Variants in DNAL1 observed in about 807,000 individuals in gnomAD.
The protein encoded by DNAL1 is chromosome 14 open reading frame 168.
A neutral mutation model predicts 29.4 loss-of-function variants in DNAL1; 17 were observed. The observed-to-expected ratio is 0.58, with a 90% confidence interval of 0.40 to 0.87. The LOEUF (loss-of-function observed/expected upper bound fraction) is 0.87, where lower values mean the gene tolerates loss of function less well. Among genes scored for constraint, DNAL1 ranks in the 40% least tolerant of loss-of-function variants. DNAL1 has a pLI of 0.00. For missense variants in DNAL1, 188 were observed against 214.1 expected (o/e 0.88, Z 0.76); for synonymous variants, 78 against 76.3 (o/e 1.02, Z -0.12).
In DNAL1 at chr14:73,696,052, G is replaced by A; in HGVS notation, c.*110G>A. ...TCTGTATGGGACAAAAGTTTCTTAAGATAAAACAGATCACTCATTCTCATC... is the reference window on the plus strand; with the variant it reads ...TCTGTATGGGACAAAAGTTTCTTAAAATAAAACAGATCACTCATTCTCATC... On this transcript the variant is annotated 3_prime_UTR_variant, in exon 8 of 8. Transcript: ENST00000553645. 1.0e-6 allele frequency: 1 copy of A among 983,540 alleles called. No homozygotes were observed. The allele number at this position is 983,540 out of a possible 1,614,324, so 60.9% of individuals were successfully genotyped here. A position where few individuals can be genotyped will look rare whatever the true frequency, so the allele number is the denominator to read the frequency against.
At chr14:73,656,256 G>A (rs1373182672) in intron 2 of DNAL1, among the ~76,000 whole-genome samples, 2 of 151,734 alleles carry the variant, frequency 1.3e-5, no homozygotes, top group Non-Finnish European at 2.9e-5. Context: ...TTTCTGTTTT[G>A]TTAAATATTT....
chr14:73,663,911 A>G (rs552068664), intron 4 of DNAL1, among the ~76,000 whole-genome samples: 25 of 152,072 alleles, frequency 1.6e-4, no homozygotes, highest in African/African-American at 4.3e-4. Context: ...TGTCTGCACA[A>G]CTCCCCCTTA....
chr14:73,692,798 T>G (rs1892205853), intron 7 of DNAL1, among the ~76,000 whole-genome samples: 1 of 151,946 alleles, frequency 6.6e-6, no homozygotes, highest in Admixed American at 6.6e-5. Context: ...AACTTGCCCA[T>G]TTTTGTTTCT....
Position 73,686,505 on chromosome 14 carries a change from A to G in DNAL1, c.265-754A>G, listed in dbSNP as rs987218134. ...GATCCCTTGAGTCCAGGAGTTCAAG[A>G]CCAGCCTGGACAACATCTCTACAAA... On this transcript the variant is annotated intron_variant, in intron 5 of 7. Coordinates refer to ENST00000553645, the MANE Select transcript of DNAL1 (RefSeq NM_031427.4). Among the ~76,000 whole-genome samples, 4 of 152,266 alleles carry G rather than the reference A, an allele frequency of 2.6e-5. No individual in the cohort carries two copies. The East Asian group carries it at 7.7e-4, about 29-fold the overall frequency.
chr14:73,681,619 A>ATAT (rs1432754188), intron 5 of DNAL1, among the ~76,000 whole-genome samples: 39 of 42,072 alleles, frequency 9.3e-4, no homozygotes, highest in African/African-American at 2.4e-3. Flanking sequence ...AAAAAAAAAA[A>ATAT]AAAAAAAAAA....
intron 4 of DNAL1, among the ~76,000 whole-genome samples, chr14:73,668,097 A>C (rs544195652): frequency 6.6e-6 from 1 of 152,266 alleles, no homozygotes; most frequent in Admixed American, 6.5e-5. Context: ...GAACTCCCTT[A>C]CTAACTTCCT....
intron 1 of DNAL1, among the ~76,000 whole-genome samples, chr14:73,645,249 A>T (rs1006027737): frequency 6.6e-6 from 1 of 151,880 alleles, no homozygotes; most frequent in Non-Finnish European, 1.5e-5. Context: ...GGTGGATCGG[A>T]GGTTGGGTTA....
chr14:73,681,179 G>A (rs1434485045), intron 5 of DNAL1, among the ~76,000 whole-genome samples: 1 of 151,476 alleles, frequency 6.6e-6, no homozygotes, highest in Non-Finnish European at 1.5e-5. Flanking sequence ...TGTCACTGAG[G>A]CTGGAGTGCA....
chr14:73,683,997 G>A (rs764104275), intron 5 of DNAL1, among the ~76,000 whole-genome samples: 2 of 152,052 alleles, frequency 1.3e-5, no homozygotes, highest in African/African-American at 2.4e-5. Context: ...GTGAGCCACC[G>A]CACCTGGCCG....
At chr14:73,667,701 C>T (rs1340773121) in intron 4 of DNAL1, among the ~76,000 whole-genome samples, 3 of 152,162 alleles carry the variant, frequency 2.0e-5, no homozygotes, top group East Asian at 1.9e-4. Context: ...GGGGTCTCCC[C>T]ATGTTGCCCA....
chr14:73,665,756 A>ACT (rs1421022290), intron 4 of DNAL1, among the ~76,000 whole-genome samples: 3 of 151,232 alleles, frequency 2.0e-5, no homozygotes, highest in Non-Finnish European at 4.4e-5. Context: ...ACGCTACTGT[A>ACT]CTCCAGCCTG....
intron 5 of DNAL1, among the ~76,000 whole-genome samples, chr14:73,687,007 G>T (rs1276680572): frequency 1.4e-5 from 2 of 141,660 alleles, no homozygotes; most frequent in Admixed American, 7.2e-5. Flanking sequence ...ATTATGTTTT[G>T]TGATTTTTTT....
chr14:73,661,233 G>A (rs1056233288), intron 3 of DNAL1, among the ~76,000 whole-genome samples: 15 of 151,988 alleles, frequency 9.9e-5, no homozygotes, highest in Non-Finnish European at 1.5e-4. Context: ...TTCCCAAGTC[G>A]GTATCTGTAG....
At position 73,658,883 on chromosome 14, in the gene DNAL1, G is replaced by A. The variant is rs550967876; in HGVS notation, c.79G>A (p.Glu27Lys). 6.2e-7 allele frequency: 1 copy of A among 1,602,780 alleles called. No individual in the cohort carries two copies. The highest frequency in any genetic ancestry group is 1.1e-5 in the South Asian group (1 of 88,836). Reference sequence around the variant, plus strand: ...TGGCCAGAGGCCATCTGAAGCCAAAGAGATAAAACTTTATGCCCAGATTCC... The same window carrying A: ...TGGCCAGAGGCCATCTGAAGCCAAAAAGATAAAACTTTATGCCCAGATTCC... ...KTGQRPSEAK[E>K]IKLYAQIPPI... The change falls in exon 3 of 8, where the codon GAG becomes AAG. Residue 27 changes from glutamate to lysine, a missense_variant. Glu to Lys is a moderately conservative substitution (Grantham distance 56). Coordinates refer to ENST00000553645, the MANE Select transcript of DNAL1 (RefSeq NM_031427.4).
At position 73,680,272 on chromosome 14, in the gene DNAL1, G is replaced by A. The variant is rs552928646; in HGVS notation, c.265-6987G>A. 8.0e-4 allele frequency among the ~76,000 whole-genome samples: 122 copies of A among 152,170 alleles called. 1 individual carries two copies. Among genetic ancestry groups the A allele is most frequent in the African/African-American group, 2.8e-3 (118 of 41,518 alleles). ...TATATTTAGCTAGGCCACGGCTGAC[G>A]GACACTTAGGTTGTTGCAATCTTTT... On this transcript the variant is annotated intron_variant, in intron 5 of 7. Transcript: ENST00000553645.
In DNAL1 at chr14:73,700,898, T is replaced by G. The variant is rs567277988; in HGVS notation, c.*4956T>G. ...ATATTTCTTTATCTGTGCTCTAACATGTGTCATATTGTTTTCTTTTTGTAA... is the reference window on the plus strand; with the variant it reads ...ATATTTCTTTATCTGTGCTCTAACAGGTGTCATATTGTTTTCTTTTTGTAA... On this transcript the variant is annotated 3_prime_UTR_variant, in exon 8 of 8. Transcript: ENST00000553645. The G allele has an allele frequency of 1.1e-4, 16 of 152,014 alleles. No individual in the cohort carries two copies. Among genetic ancestry groups the G allele is most frequent in the African/African-American group, 3.6e-4 (15 of 41,552 alleles). 9.4% of individuals were successfully genotyped at this position (152,014 alleles called of 1,614,324 possible).
chr14:73,695,531 G>C (rs1892282028), intron 7 of DNAL1, among the ~76,000 whole-genome samples: 1 of 151,652 alleles, frequency 6.6e-6, no homozygotes, highest in African/African-American at 2.4e-5. Context: ...GAGCTTCTCA[G>C]GTTTTTCTTT....
At chr14:73,653,552 C>A (rs982115681) in intron 1 of DNAL1, among the ~76,000 whole-genome samples, 8 of 151,930 alleles carry the variant, frequency 5.3e-5, no homozygotes, top group African/African-American at 1.9e-4. Context: ...GAGATGGAGT[C>A]TCTCTATGTT....
rs1892131810 is a variant in DNAL1 at position 73,690,038 on chromosome 14, A to C, written c.532+523A>C. Among the ~76,000 whole-genome samples the C allele has an allele frequency of 8.9e-5, 4 of 45,080 alleles. No homozygotes were observed. In the South Asian group the frequency reaches 3.0e-3, roughly 34 times the overall value. 29.6% of individuals were successfully genotyped at this position (45,080 alleles called of 152,430 possible). On this transcript the variant is annotated intron_variant, in intron 7 of 7. Coordinates refer to ENST00000553645, the MANE Select transcript of DNAL1 (RefSeq NM_031427.4). Reference sequence around the variant, plus strand: ...GCAAAAAAGAGTGAAATTCCGTCTCAAAAAAAAAAAAAAGAAAAGAAAAGA... The same window carrying C: ...GCAAAAAAGAGTGAAATTCCGTCTCCAAAAAAAAAAAAAGAAAAGAAAAGA...
Sources: gnomAD v4.1 joint callset for allele counts (sites outside exome capture counted in the v4.1 genomes callset) on GRCh38, gnomAD v4.1.1 for gene constraint, MANE v1.5 for transcripts, NCBI Gene and HGNC (gene_info 2026-07-23, HGNC 2026-07-21) for gene names.